STARD8: variants seen among roughly 807,000 people sequenced by gnomAD.
STARD8 encodes StAR related lipid transfer domain containing 8, also known as stAR-related lipid transfer protein 8.
STARD8 carries 25 observed loss-of-function variants against 69.4 expected under a neutral mutation model. The ratio of observed to expected loss-of-function variants is 0.36; its 90% CI spans 0.26 to 0.50. The LOEUF (loss-of-function observed/expected upper bound fraction) is 0.50. Among genes scored for constraint, STARD8 ranks in the 20% least tolerant of loss-of-function variants. The pLI, the probability that STARD8 is intolerant of heterozygous loss-of-function variation, is 0.96. For synonymous variants in STARD8, 389 were observed against 374.6 expected (o/e 1.04, Z -0.45); for missense variants, 921 against 932.5 (o/e 0.99, Z 0.16).
intron 2 of STARD8, among the ~76,000 whole-genome samples, chrX:68,672,939 A>G (rs1459709751): frequency 2.7e-5 from 3 of 112,038 alleles, no homozygotes; most frequent in African/African-American, 3.2e-5. Context: ...AGGATATTTC[A>G]GGGAATACAT....
At chrX:68,723,385 G>T (rs1017287935) in intron 12 of STARD8, among the ~76,000 whole-genome samples, 2 of 112,776 alleles carry the variant, frequency 1.8e-5, no homozygotes, top group African/African-American at 6.4e-5. Flanking sequence ...AGGCCTCTGA[G>T]AATGTGTGCC....
At chrX:68,664,454 T>C (rs1176947648) in intron 1 of STARD8, among the ~76,000 whole-genome samples, 2 of 112,215 alleles carry the variant, frequency 1.8e-5, no homozygotes, top group Non-Finnish European at 3.8e-5. Flanking sequence ...CCTACTGTAA[T>C]TTGAATCAAA....
intron 2 of STARD8, among the ~76,000 whole-genome samples, chrX:68,675,522 C>A (rs772459741): frequency 3.0e-5 from 3 of 99,409 alleles, no homozygotes; most frequent in Non-Finnish European, 5.9e-5. Flanking sequence ...ATAGTTATTT[C>A]ATGACTATCA....
Position 68,668,103 on chromosome X carries a change from T to TTCTG in STARD8, c.79+2574_79+2575insGTCT, listed in dbSNP as rs1313947983. On this transcript the variant is annotated intron_variant, in intron 2 of 14. Transcript: ENST00000374599. ...TTTCTTTCTTTCTTTCTTTCTTTCT[T>TTCTG]TCTTTCTTTCTGTCTTTCTTTCTTT... Among the ~76,000 whole-genome samples the TTCTG allele has an allele frequency of 2.5e-3, 259 of 101,864 alleles. 4 individuals are homozygous for TTCTG. The highest frequency in any genetic ancestry group is 8.9e-3 in the African/African-American group (237 of 26,702). The allele number at this position is 101,864 out of a possible 115,157, so 88.5% of individuals were successfully genotyped here.
intron 1 of STARD8, among the ~76,000 whole-genome samples, chrX:68,660,232 G>T (rs1348460224): frequency 8.9e-6 from 1 of 111,790 alleles, no homozygotes; most frequent in East Asian, 2.8e-4. Context: ...TTTCCCAGCT[G>T]GGATTGTTCC....
chrX:68,707,047 A>G (rs1407503947), intron 2 of STARD8, among the ~76,000 whole-genome samples: 1 of 112,596 alleles, frequency 8.9e-6, no homozygotes, highest in African/African-American at 3.2e-5. Flanking sequence ...TCACATAGAT[A>G]GTGGCATCAC....
intron 2 of STARD8, among the ~76,000 whole-genome samples, chrX:68,676,900 A>G (rs1489893383): frequency 9.1e-6 from 1 of 110,284 alleles, no homozygotes; most frequent in Non-Finnish European, 1.9e-5. Flanking sequence ...AATCCCAGCA[A>G]TTTGGGAGGC....
At chrX:68,660,266 G>A (rs1254199600) in intron 1 of STARD8, among the ~76,000 whole-genome samples, 1 of 111,873 alleles carries the variant, frequency 8.9e-6, no homozygotes, top group African/African-American at 3.3e-5. Flanking sequence ...TGTGATAGAA[G>A]ACTAAGAATT....
In STARD8 at chrX:68,680,764, G is replaced by A. The variant is rs189122315; in HGVS notation, c.79+15232G>A. Reference sequence around the variant, plus strand: ...GTGGGGGCCGCTGTAGGTGGGCACTGTGACTACTTCCCAGATAAAGGCAGA... The same window carrying A: ...GTGGGGGCCGCTGTAGGTGGGCACTATGACTACTTCCCAGATAAAGGCAGA... On this transcript the variant is annotated intron_variant, in intron 2 of 14. Coordinates refer to ENST00000374599, the MANE Select transcript of STARD8 (RefSeq NM_001142503.3). Among the ~76,000 whole-genome samples, 279 of 110,920 alleles carry A rather than the reference G, an allele frequency of 2.5e-3. 1 individual carries two copies. Among genetic ancestry groups the A allele is most frequent in the Middle Eastern group, 4.6e-3 (1 of 216 alleles).
At chrX:68,662,174 A>G (rs927683338) in intron 1 of STARD8, among the ~76,000 whole-genome samples, 4 of 108,941 alleles carry the variant, frequency 3.7e-5, no homozygotes, top group African/African-American at 1.3e-4. Context: ...CGCCCAGCTA[A>G]TTTTTTGTAT....
intron 2 of STARD8, among the ~76,000 whole-genome samples, chrX:68,680,267 G>A (rs1201736172): frequency 9.0e-6 from 1 of 111,610 alleles, no homozygotes; most frequent in African/African-American, 3.3e-5. Flanking sequence ...CAAGTGCAAG[G>A]CCCTGAGTTC....
At chrX:68,668,105 C>CTTTCTTTCT (rs2079698681) in intron 2 of STARD8, among the ~76,000 whole-genome samples, 2 of 94,824 alleles carry the variant, frequency 2.1e-5, no homozygotes, top group Non-Finnish European at 2.1e-5. Context: ...TTCTTTCTTT[C>CTTTCTTTCT]TTTCTTTCTG....
intron 12 of STARD8, among the ~76,000 whole-genome samples, chrX:68,723,018 C>T (rs1319299905): frequency 8.9e-6 from 1 of 112,454 alleles, no homozygotes; most frequent in African/African-American, 3.2e-5. Flanking sequence ...CATTACGTCT[C>T]CCGAGTCACC....
At chrX:68,654,762 G>A (rs1341164949) in intron 1 of STARD8, among the ~76,000 whole-genome samples, 2 of 111,659 alleles carry the variant, frequency 1.8e-5, no homozygotes, top group African/African-American at 6.5e-5. Flanking sequence ...CGCAAGTGAG[G>A]TGAGCATGCA....
At chrX:68,652,992 A>C (rs2079566623) in intron 1 of STARD8, among the ~76,000 whole-genome samples, 1 of 48,053 alleles carries the variant, frequency 2.1e-5, no homozygotes, top group Non-Finnish European at 3.9e-5. Flanking sequence ...CACACACACC[A>C]CACACCACAC....
At chrX:68,686,424 C>T (rs1011690610) in intron 2 of STARD8, among the ~76,000 whole-genome samples, 3 of 112,735 alleles carry the variant, frequency 2.7e-5, no homozygotes, top group Non-Finnish European at 5.6e-5. Context: ...CCTGGCACCG[C>T]GCGGCGCCCG....
intron 4 of STARD8, 67 bp downstream of exon 4, chrX:68,715,442 A>G (rs1467596007): frequency 3.1e-6 from 3 of 971,216 alleles, no homozygotes; most frequent in African/African-American, 1.9e-5. Flanking sequence ...GTGGAAAAAA[A>G]CATCCCTTGT....
chrX:68,668,103 T>TTCTTTCTTTCTTTCTG (rs2079698502), intron 2 of STARD8, among the ~76,000 whole-genome samples: 6 of 101,851 alleles, frequency 5.9e-5, no homozygotes, highest in African/African-American at 1.1e-4. Flanking sequence ...CTTTCTTTCT[T>TTCTTTCTTTCTTTCTG]TCTTTCTTTC....
intron 2 of STARD8, among the ~76,000 whole-genome samples, chrX:68,684,493 C>T (rs1419229802): frequency 8.9e-6 from 1 of 112,989 alleles, no homozygotes; most frequent in East Asian, 2.8e-4. Context: ...CCCGCCCAAC[C>T]GGAGAGCAAA....
Sources: gnomAD v4.1 joint callset for allele counts (sites outside exome capture counted in the v4.1 genomes callset) on GRCh38, gnomAD v4.1.1 for gene constraint, MANE v1.5 for transcripts, NCBI Gene and HGNC (gene_info 2026-07-23, HGNC 2026-07-21) for gene names.